Variants in GSDME observed in about 807,000 individuals in gnomAD.
The protein encoded by GSDME is gasdermin E.
Under a neutral mutation model 47.5 loss-of-function variants are expected in GSDME, and 44 were observed. That is an observed-to-expected ratio of 0.93 (90% CI 0.73 to 1.19). GSDME has a LOEUF of 1.19. Among genes scored for constraint, GSDME ranks in the 50% most tolerant of loss-of-function variants. GSDME has a pLI of 0.00. For synonymous variants in GSDME, 258 were observed against 252.8 expected (o/e 1.02, Z -0.20); for missense variants, 663 against 604.2 (o/e 1.10, Z -1.02).
At chr7:24,776,444 T>C in the GSDME span, among the ~76,000 whole-genome samples, 1 of 152,196 alleles carries the variant, frequency 6.6e-6, no homozygotes, top group African/African-American at 2.4e-5. Context: ...TAAACTCCCG[T>C]GTCCACCATC....
At chr7:24,710,497 G>A in intron 5 of GSDME, 109 bp from the exon 6 acceptor site, 1 of 1,056,208 alleles carries the variant, frequency 9.5e-7, no homozygotes, top group East Asian at 2.4e-5. Flanking sequence ...ACGTAACTCA[G>A]TGGAGCAGAA....
chr7:24,729,664 G>A (rs1053113731), intron 3 of GSDME, among the ~76,000 whole-genome samples: 1 of 152,238 alleles, frequency 6.6e-6, no homozygotes. Flanking sequence ...AAGGACTGGA[G>A]GTAGAAGGAG....
rs768790302 is a variant in GSDME, at chr7:24,708,103, G to T, written c.990+24C>A. 1.1e-5 allele frequency: 18 copies of T among 1,613,702 alleles called. No homozygotes were observed. In the Admixed American group the frequency reaches 2.5e-4, roughly 22 times the overall value. Reference sequence around the variant, plus strand: ...TCCAGAAAACCCCAGTGAAAACACTGCCTTGAGATGTCTCAGGGCTCACCA... The same window carrying T: ...TCCAGAAAACCCCAGTGAAAACACTTCCTTGAGATGTCTCAGGGCTCACCA... On this transcript the variant is annotated intron_variant, in intron 7 of 9. Coordinates refer to ENST00000645220, the MANE Select transcript of GSDME (RefSeq NM_001127453.2).
chr7:24,790,071 A>AT, the GSDME span, among the ~76,000 whole-genome samples: 1 of 152,214 alleles, frequency 6.6e-6, no homozygotes, highest in Non-Finnish European at 1.5e-5. The surrounding 1 kb of genome is among the most constrained non-coding windows in gnomAD (Gnocchi z 4.1). Flanking sequence ...CAGTTTTGTC[A>AT]TATCTCTAAC....
chr7:24,732,561 A>G lies in GSDME; in HGVS notation c.404+12001T>C, dbSNP rs569534702. ...TAGGAAAGGCAGTCTTGAATTGCCA[A>G]CACCACCCCTCCCCTATCTCTGGGC... On this transcript the variant is annotated intron_variant, in intron 3 of 9. Transcript: ENST00000645220. The surrounding 1 kb of genome is among the most constrained non-coding windows in gnomAD (Gnocchi z 4.8). 2.7e-4 allele frequency among the ~76,000 whole-genome samples: 41 copies of G among 152,330 alleles called. No homozygotes were observed. Among genetic ancestry groups the G allele is most frequent in the African/African-American group, 7.9e-4 (33 of 41,580 alleles).
At chr7:24,771,825 G>A in the GSDME span, among the ~76,000 whole-genome samples, 2 of 152,170 alleles carry the variant, frequency 1.3e-5, no homozygotes, top group East Asian at 1.9e-4. The surrounding 1 kb of genome is among the most constrained non-coding windows in gnomAD (Gnocchi z 4.1). Context: ...AGGAAGGGAG[G>A]CAAGGGACAC....
intron 2 of GSDME, among the ~76,000 whole-genome samples, chr7:24,746,404 G>A (rs1048264332): frequency 1.3e-5 from 2 of 152,144 alleles, no homozygotes; most frequent in Non-Finnish European, 1.5e-5. Context: ...TGAGCAATTT[G>A]GAGATAATTA....
chr7:24,711,066 A>G (rs1789334678), intron 5 of GSDME, among the ~76,000 whole-genome samples: 1 of 152,226 alleles, frequency 6.6e-6, no homozygotes, highest in African/African-American at 2.4e-5. Flanking sequence ...ATTTGCTTCA[A>G]AATAATCCAG....
Position 24,706,446 on chromosome 7 carries a change from C to G in GSDME, c.991-70G>C, listed in dbSNP as rs55980618. On this transcript the variant is annotated intron_variant, in intron 7 of 9. Coordinates refer to ENST00000645220, the MANE Select transcript of GSDME (RefSeq NM_001127453.2). ...AAGCGCCACAGCTGGGGCCTCCGCT[C>G]ACAGTACACACAAGCCCCAGCCCTT... The G allele has an allele frequency of 0.052, 76,687 of 1,466,364 alleles. 2,275 individuals are homozygous for G. Among genetic ancestry groups the G allele is most frequent in the Non-Finnish European group, 0.06 (63,639 of 1,068,880 alleles). 90.8% of individuals were successfully genotyped at this position (1,466,364 alleles called of 1,614,324 possible).
the GSDME span, among the ~76,000 whole-genome samples, chr7:24,778,753 G>A: frequency 6.6e-6 from 1 of 152,174 alleles, no homozygotes. The surrounding 1 kb of genome is among the most constrained non-coding windows in gnomAD (Gnocchi z 5.6). Flanking sequence ...GAAGCTGCAC[G>A]TACCACTGTG....
intron 1 of GSDME, among the ~76,000 whole-genome samples, chr7:24,750,091 G>A (rs954674558): frequency 2.0e-5 from 3 of 152,154 alleles, no homozygotes; most frequent in African/African-American, 7.2e-5. Flanking sequence ...CAATACAGGG[G>A]TACAAGAGAG....
chr7:24,709,002 T>C (rs1363401390), intron 6 of GSDME, among the ~76,000 whole-genome samples: 34 of 152,234 alleles, frequency 2.2e-4, no homozygotes, highest in Admixed American at 2.2e-3. Context: ...AGGTTTCGTA[T>C]GCAGGGATGC....
intron 6 of GSDME, 116 bp from the exon 7 acceptor site, chr7:24,708,370 G>A: frequency 8.0e-7 from 1 of 1,254,238 alleles, no homozygotes; most frequent in Non-Finnish European, 1.1e-6. Flanking sequence ...GATATTCCCA[G>A]CTGCATAGTC....
At chr7:24,791,341 C>A in the GSDME span, among the ~76,000 whole-genome samples, 1 of 152,202 alleles carries the variant, frequency 6.6e-6, no homozygotes, top group Non-Finnish European at 1.5e-5. The surrounding 1 kb of genome is among the most constrained non-coding windows in gnomAD (Gnocchi z 4.8). Context: ...GAGCTCTCCA[C>A]GTTTGGGCAT....
At chr7:24,748,168 A>ATATATAT (rs1483888057) in intron 2 of GSDME, among the ~76,000 whole-genome samples, 1 of 117,496 alleles carries the variant, frequency 8.5e-6, no homozygotes, top group East Asian at 2.8e-4. Flanking sequence ...ATATATATAT[A>ATATATAT]TTTTTTTTTG....
intron 9 of GSDME, chr7:24,702,467 G>C: frequency 2.7e-6 from 1 of 372,056 alleles, no homozygotes; most frequent in South Asian, 2.1e-5. Flanking sequence ...ACCAAACCTT[G>C]GCCAAAATTC....
chr7:24,785,587 C>G, the GSDME span, among the ~76,000 whole-genome samples: 1 of 152,210 alleles, frequency 6.6e-6, no homozygotes, highest in African/African-American at 2.4e-5. Flanking sequence ...TCCTGAGTAG[C>G]TGGGACTACA....
intron 7 of GSDME, 156 bp downstream of exon 7, chr7:24,707,970 GT>G: frequency 1.2e-6 from 1 of 857,128 alleles, no homozygotes; most frequent in Non-Finnish European, 1.8e-6. Flanking sequence ...CCAGCTACCT[GT>G]CTGCACTTAG....
chr7:24,765,755 G>A, the GSDME span, among the ~76,000 whole-genome samples: 14 of 152,330 alleles, frequency 9.2e-5, no homozygotes, highest in African/African-American at 2.9e-4. Context: ...CACCAAGTTA[G>A]ATATCTATAA....
Sources: allele counts gnomAD v4.1 joint callset (sites outside exome capture counted in the v4.1 genomes callset), GRCh38; gene constraint gnomAD v4.1.1; non-coding constraint Gnocchi (gnomAD v3.1); transcripts MANE v1.5; gene names NCBI Gene and HGNC (gene_info 2026-07-23, HGNC 2026-07-21).